The following SEZ6L variants were observed in gnomAD, a reference collection of about 807,000 sequenced individuals.
SEZ6L encodes seizure 6-like protein.
A neutral mutation model predicts 106.2 loss-of-function variants in SEZ6L; 37 were observed. The observed-to-expected ratio is 0.35, with a 90% CI of 0.27 to 0.46. The LOEUF (loss-of-function observed/expected upper bound fraction) is 0.46, where lower values mean the gene tolerates loss of function less well. SEZ6L is among the 20% of genes least tolerant of loss of function. The pLI, the probability that SEZ6L is intolerant of heterozygous loss-of-function variation, is 1.00. For synonymous variants in SEZ6L, 541 were observed against 570.4 expected, an observed-to-expected ratio of 0.95 and a Z score of 0.73; for missense variants, 1,172 against 1,332.8, an observed-to-expected ratio of 0.88 and a Z score of 1.88.
At chr22:26,252,013 G>A (rs1433370559) in intron 1 of SEZ6L, among the ~76,000 whole-genome samples, 1 of 152,124 alleles carries the variant, frequency 6.6e-6, no homozygotes, top group African/African-American at 2.4e-5. Context: ...TCTGTGAATG[G>A]CGGCAGCAGG....
intron 1 of SEZ6L, among the ~76,000 whole-genome samples, chr22:26,224,344 C>A (rs1258004889): frequency 6.6e-6 from 1 of 152,178 alleles, no homozygotes; most frequent in Non-Finnish European, 1.5e-5. Context: ...GTCAGCCTGG[C>A]AGGGCCTGGC....
chr22:26,315,420 A>G (rs749298712), intron 9 of SEZ6L, among the ~76,000 whole-genome samples: 4 of 152,106 alleles, frequency 2.6e-5, no homozygotes, highest in Non-Finnish European at 4.4e-5. Context: ...TTGAGGCTGC[A>G]GTGAGCCATG....
At chr22:26,281,820 A>C (rs1328762755) in intron 1 of SEZ6L, among the ~76,000 whole-genome samples, 3 of 152,030 alleles carry the variant, frequency 2.0e-5, no homozygotes, top group Non-Finnish European at 2.9e-5. Flanking sequence ...TCTGGTAAAC[A>C]CCATTCTACC....
At chr22:26,222,099 T>G (rs738652) in intron 1 of SEZ6L, among the ~76,000 whole-genome samples, 122,432 of 152,024 alleles carry the variant, frequency 0.81, 50,338 homozygotes, top group Non-Finnish European at 0.89. Context: ...TGGGTGGCTG[T>G]TTAGAAATGA....
At chr22:26,358,935 G>T (rs1170071461) in intron 12 of SEZ6L, among the ~76,000 whole-genome samples, 1 of 152,102 alleles carries the variant, frequency 6.6e-6, no homozygotes, top group Non-Finnish European at 1.5e-5. Flanking sequence ...TGTAAAACCT[G>T]TCTAAGTTGA....
At chr22:26,304,398 AAG>A (rs1453016053) in intron 5 of SEZ6L, among the ~76,000 whole-genome samples, 3 of 150,432 alleles carry the variant, frequency 2.0e-5, no homozygotes, top group Non-Finnish European at 4.4e-5. Context: ...GAAAGAAAGA[AAG>A]AAAGAAAGAA....
chr22:26,318,556 A>C (rs2082069789), intron 9 of SEZ6L, among the ~76,000 whole-genome samples: 1 of 152,204 alleles, frequency 6.6e-6, no homozygotes. Flanking sequence ...TACTATTTGT[A>C]AGGTCTTTAC....
chr22:26,258,617 T>C (rs1158522840), intron 1 of SEZ6L, among the ~76,000 whole-genome samples: 1 of 152,236 alleles, frequency 6.6e-6, no homozygotes, highest in Non-Finnish European at 1.5e-5. Context: ...TACAATGATA[T>C]TACATACAGC....
intron 1 of SEZ6L, among the ~76,000 whole-genome samples, chr22:26,183,437 C>T (rs986597690): frequency 3.9e-5 from 6 of 152,174 alleles, no homozygotes; most frequent in Admixed American, 3.3e-4. Flanking sequence ...CTCCAAGGGA[C>T]CAGGGTTGGG....
chr22:26,351,782 A>G (rs1161041265), intron 12 of SEZ6L, among the ~76,000 whole-genome samples: 3 of 152,014 alleles, frequency 2.0e-5, no homozygotes, highest in Non-Finnish European at 4.4e-5. Flanking sequence ...CTTGATCTCA[A>G]ATGATCCACC....
chr22:26,172,039 C>T (rs901427217), intron 1 of SEZ6L, among the ~76,000 whole-genome samples: 2 of 151,988 alleles, frequency 1.3e-5, no homozygotes, highest in Non-Finnish European at 2.9e-5. Flanking sequence ...TGGGCCATTT[C>T]GCTGTAAGGC....
intron 13 of SEZ6L, among the ~76,000 whole-genome samples, chr22:26,370,807 C>G (rs641609): frequency 3.3e-5 from 5 of 151,744 alleles, no homozygotes; most frequent in African/African-American, 1.2e-4. Flanking sequence ...AGTTCGAGAC[C>G]AGCCTAGGCA....
intron 1 of SEZ6L, among the ~76,000 whole-genome samples, chr22:26,287,719 T>C (rs1305492918): frequency 6.6e-6 from 1 of 152,220 alleles, no homozygotes; most frequent in Non-Finnish European, 1.5e-5. Context: ...TGCATGGCAC[T>C]AATCTGGCCA....
intron 1 of SEZ6L, among the ~76,000 whole-genome samples, chr22:26,230,329 A>G (rs2078761514): frequency 1.3e-5 from 2 of 151,800 alleles, no homozygotes; most frequent in Non-Finnish European, 2.9e-5. Flanking sequence ...TAAAAAAAAA[A>G]ACAAGAAGAA....
intron 1 of SEZ6L, among the ~76,000 whole-genome samples, chr22:26,264,084 T>C (rs765287791): frequency 2.0e-5 from 3 of 152,264 alleles, no homozygotes; most frequent in Non-Finnish European, 4.4e-5. Flanking sequence ...AAGATTATCG[T>C]TGGCCATCTC....
intron 1 of SEZ6L, among the ~76,000 whole-genome samples, chr22:26,262,734 G>T (rs146828470): frequency 6.6e-6 from 1 of 152,300 alleles, no homozygotes; most frequent in African/African-American, 2.4e-5. Context: ...GGACCAGCAT[G>T]TGCATGGGTC....
In SEZ6L at chr22:26,343,371, G is replaced by GGTTAACCAGAAAGGCTGGTCAAA. The variant is rs1435422513; in HGVS notation, c.2212+2752_2212+2753insGCTGGTCAAAGTTAACCAGAAAG. 6.1e-4 allele frequency among the ~76,000 whole-genome samples: 92 copies of GGTTAACCAGAAAGGCTGGTCAAA among 151,630 alleles called. No individual in the cohort carries two copies. The Middle Eastern group carries it at 0.024, about 40-fold the overall frequency. On this transcript the variant is annotated intron_variant, in intron 10 of 16. Coordinates refer to ENST00000248933, the MANE Select transcript of SEZ6L (RefSeq NM_021115.5). The stretch of plus-strand genomic sequence containing the variant: ...ACTGACTCTATCCAAGGCTGGTCAA[G>GGTTAACCAGAAAGGCTGGTCAAA]GTTAACCAGAAAGTCTGGCCAGTGT...
Position 26,275,898 on chromosome 22 carries a change from G to A in SEZ6L, c.95-16508G>A, listed in dbSNP as rs139693055. Among the ~76,000 whole-genome samples, 180 of 152,236 alleles carry A rather than the reference G, an allele frequency of 1.2e-3. 2 individuals carry two copies. The East Asian group carries it at 0.032, about 27-fold the overall frequency. On this transcript the variant is annotated intron_variant, in intron 1 of 16. Coordinates refer to ENST00000248933, the MANE Select transcript of SEZ6L (RefSeq NM_021115.5). ...CCTGCTGATTTGTTTGTAATAGGTG[G>A]TGCTCACTCTGGACACAGCCAGGCC...
intron 9 of SEZ6L, among the ~76,000 whole-genome samples, chr22:26,326,103 C>T (rs1018486058): frequency 6.6e-6 from 1 of 152,288 alleles, no homozygotes; most frequent in East Asian, 1.9e-4. Context: ...GAAACACAAG[C>T]ACCAGGGTTA....
Sources: allele counts gnomAD v4.1 joint callset (sites outside exome capture counted in the v4.1 genomes callset), GRCh38; gene constraint gnomAD v4.1.1; transcripts MANE v1.5; gene names NCBI Gene and HGNC (gene_info 2026-07-23, HGNC 2026-07-21).